DHRSX: variants seen among roughly 807,000 people sequenced by gnomAD.
DHRSX encodes the protein polyprenol dehydrogenase.
In DHRSX, 31 loss-of-function variants were observed where a neutral mutation model predicts 34.0. The observed-to-expected ratio is 0.91, with a 90% CI of 0.69 to 1.23. DHRSX has a LOEUF of 1.23. Among genes scored for constraint, DHRSX ranks in the 50% most tolerant of loss-of-function variants. The pLI, the probability that DHRSX is intolerant of heterozygous loss-of-function variation, is 0.00. For synonymous variants in DHRSX, 201 were observed against 183.8 expected (o/e 1.09, Z -0.76); for missense variants, 414 against 428.1 (o/e 0.97, Z 0.29).
At chrX:2,295,155 C>T (rs2041917350) in intron 3 of DHRSX, among the ~76,000 whole-genome samples, 1 of 152,066 alleles carries the variant, frequency 6.6e-6, no homozygotes, top group Non-Finnish European at 1.5e-5. Context: ...TTAACAATAG[C>T]AAAAACTTGA....
intron 4 of DHRSX, among the ~76,000 whole-genome samples, chrX:2,282,959 A>G (rs896393629): frequency 6.6e-6 from 1 of 151,562 alleles, no homozygotes; most frequent in Non-Finnish European, 1.5e-5. Flanking sequence ...AGAGAGAGAC[A>G]GAGAGAAAAA....
At chrX:2,433,709 C>A (rs900982344) in intron 1 of DHRSX, among the ~76,000 whole-genome samples, 1 of 152,126 alleles carries the variant, frequency 6.6e-6, no homozygotes, top group Admixed American at 6.6e-5. Context: ...CCAGCTTCAT[C>A]CATGTCCCTG....
intron 1 of DHRSX, among the ~76,000 whole-genome samples, chrX:2,495,324 C>T (rs991736112): frequency 1.3e-5 from 2 of 151,482 alleles, no homozygotes; most frequent in African/African-American, 4.9e-5. Flanking sequence ...TGAAAGACGC[C>T]CCAGTACCAT....
intron 6 of DHRSX, among the ~76,000 whole-genome samples, chrX:2,237,004 C>G (rs942929989): frequency 6.6e-6 from 1 of 151,790 alleles, no homozygotes; most frequent in Admixed American, 6.6e-5. Context: ...GCCTGAGTAA[C>G]ATATCGAAAC....
chrX:2,236,115 G>GA (rs1370617176), intron 6 of DHRSX, among the ~76,000 whole-genome samples: 7 of 147,664 alleles, frequency 4.7e-5, no homozygotes, highest in Non-Finnish European at 1.1e-4. Flanking sequence ...CCGTCTCAAA[G>GA]AAAAAAAATA....
At chrX:2,260,074 C>T (rs2041342134) in intron 5 of DHRSX, among the ~76,000 whole-genome samples, 2 of 151,596 alleles carry the variant, frequency 1.3e-5, no homozygotes, top group Non-Finnish European at 2.9e-5. Flanking sequence ...CTCCTGGGGG[C>T]TCCGGGCATC....
chrX:2,248,633 GA>G (rs2016358962), intron 5 of DHRSX, among the ~76,000 whole-genome samples: 2 of 107,526 alleles, frequency 1.9e-5, no homozygotes, highest in Non-Finnish European at 4.1e-5. Context: ...AAAAGAAAAA[GA>G]AAAGAAAAGA....
chrX:2,230,343 G>A (rs1444833686), intron 6 of DHRSX, among the ~76,000 whole-genome samples: 4 of 152,208 alleles, frequency 2.6e-5, no homozygotes, highest in Non-Finnish European at 5.9e-5. Context: ...ACCTGAAGCA[G>A]AGAGGATTAA....
chrX:2,482,430 A>G (rs2044788773), intron 1 of DHRSX, among the ~76,000 whole-genome samples: 1 of 151,828 alleles, frequency 6.6e-6, no homozygotes, highest in South Asian at 2.1e-4. Context: ...CACCCAGCCT[A>G]TTTTTATTTT....
chrX:2,285,764 A>G (rs1450450833), intron 4 of DHRSX, among the ~76,000 whole-genome samples: 1 of 152,188 alleles, frequency 6.6e-6, no homozygotes, highest in Non-Finnish European at 1.5e-5. Context: ...GACACCAGCA[A>G]TATCCCAAAC....
chrX:2,392,607 CTTATTATATATTATAT>C (rs1452828875), intron 3 of DHRSX: 1 of 156,364 alleles, frequency 6.4e-6, no homozygotes, highest in Non-Finnish European at 1.3e-5. Flanking sequence ...ATGATATATG[CTTATTATATATTATAT>C]TTATTATATA....
chrX:2,334,607 C>G (rs940004669), intron 3 of DHRSX: 1 of 152,128 alleles, frequency 6.6e-6, no homozygotes, highest in African/African-American at 2.4e-5. Flanking sequence ...GTACACACCA[C>G]CATGCCCAGC....
intron 4 of DHRSX, among the ~76,000 whole-genome samples, chrX:2,273,321 G>A (rs773052550): frequency 4.8e-4 from 73 of 152,230 alleles, no homozygotes; most frequent in African/African-American, 1.6e-3. Context: ...GTACCCCTCC[G>A]TGGAGTACTG....
intron 6 of DHRSX, among the ~76,000 whole-genome samples, chrX:2,230,800 C>G (rs764294424): frequency 6.6e-5 from 10 of 152,318 alleles, no homozygotes; most frequent in African/African-American, 1.7e-4. Flanking sequence ...GGCCAGGTCT[C>G]CAGCCTGCCA....
At chrX:2,431,729 G>A (rs902471615) in intron 1 of DHRSX, among the ~76,000 whole-genome samples, 7 of 152,126 alleles carry the variant, frequency 4.6e-5, no homozygotes, top group South Asian at 2.1e-4. Context: ...CATAAAGATG[G>A]GAACAATAAA....
intron 3 of DHRSX, among the ~76,000 whole-genome samples, chrX:2,312,401 A>T (rs2042174534): frequency 6.6e-6 from 1 of 152,192 alleles, no homozygotes; most frequent in Admixed American, 6.5e-5. Flanking sequence ...GCCATAAAAA[A>T]GGATGAGTTC....
At chrX:2,489,654 T>C (rs1215247620) in intron 1 of DHRSX, 2 of 1,611,922 alleles carry the variant, frequency 1.2e-6, no homozygotes, top group African/African-American at 2.7e-5. Context: ...GCCAGCGTGC[T>C]CCCCCACCAG....
chrX:2,464,387 G>A (rs190321146), intron 1 of DHRSX, among the ~76,000 whole-genome samples: 5,703 of 128,042 alleles, frequency 0.045, 209 homozygotes, highest in South Asian at 0.097. Flanking sequence ...CCCTAAGTGT[G>A]TGGCTAAGGG....
intron 3 of DHRSX, among the ~76,000 whole-genome samples, chrX:2,331,732 G>A (rs1307375392): frequency 6.6e-6 from 1 of 152,086 alleles, no homozygotes; most frequent in African/African-American, 2.4e-5. Flanking sequence ...TTACAGGCGT[G>A]AGCCACCACG....
Sources: gnomAD v4.1 joint callset for allele counts (sites outside exome capture counted in the v4.1 genomes callset) on GRCh38, gnomAD v4.1.1 for gene constraint, MANE v1.5 for transcripts, NCBI Gene and HGNC (gene_info 2026-07-23, HGNC 2026-07-21) for gene names.